TRAF7: variants seen among roughly 807,000 people sequenced by gnomAD.
The protein encoded by TRAF7 is TNF receptor associated factor 7.
In TRAF7, 45 loss-of-function variants were observed where a neutral mutation model predicts 89.3. The observed-to-expected ratio is 0.50, with a 90% CI of 0.40 to 0.65. The LOEUF (loss-of-function observed/expected upper bound fraction) is 0.65. Ranked by LOEUF, TRAF7 falls within the 30% of genes least tolerant of loss-of-function variation. TRAF7 has a pLI of 0.00. For missense variants in TRAF7, 677 were observed against 918.1 expected (o/e 0.74, Z 3.39); for synonymous variants, 406 against 369.2 (o/e 1.10, Z -1.14).
intron 7 of TRAF7, 114 bp from the exon 8 acceptor site, chr16:2,172,077 G>A (rs1356815978): frequency 3.3e-5 from 43 of 1,289,062 alleles, no homozygotes; most frequent in Admixed American, 6.2e-5. Flanking sequence ...CCCATGTTGC[G>A]TGCCTCAGAG....
At chr16:2,169,481 A>G (rs1006264552) in intron 4 of TRAF7, among the ~76,000 whole-genome samples, 6 of 152,076 alleles carry the variant, frequency 3.9e-5, no homozygotes, top group African/African-American at 7.2e-5. Context: ...GGTGGCTTTC[A>G]AGAGAGGCGG....
Position 2,165,916 on chromosome 16 carries a change from C to T in TRAF7, c.119C>T (p.Ala40Val). 6.2e-7 allele frequency: 1 copy of T among 1,614,120 alleles called. No individual in the cohort carries two copies. Among genetic ancestry groups the T allele is most frequent in the Non-Finnish European group, 8.5e-7 (1 of 1,179,974 alleles). ...METTFGPAFS[A>V]VTTITKADGT... ...ACGACCTTCGGACCCGCCTTTTCAGCCGTCACCACCATCACAAAAGGTGAG... is the reference window on the plus strand; with the variant it reads ...ACGACCTTCGGACCCGCCTTTTCAGTCGTCACCACCATCACAAAAGGTGAG... The change falls in exon 3 of 21, where the codon GCC (alanine) becomes GTC (valine). Residue 40 changes from alanine to valine, a missense_variant. Physicochemically the swap from Ala to Val is moderately conservative, Grantham distance 64. Coordinates refer to ENST00000326181, the MANE Select transcript of TRAF7 (RefSeq NM_032271.3).
intron 1 of TRAF7, among the ~76,000 whole-genome samples, chr16:2,157,188 C>T (rs1383026076): frequency 6.6e-6 from 1 of 152,048 alleles, no homozygotes; most frequent in Non-Finnish European, 1.5e-5. Context: ...CCTTCCTAGA[C>T]CCCTTCCCTG....
At chr16:2,164,256 TGCGTGGCGCGGCCTGGTC>T in intron 2 of TRAF7, among the ~76,000 whole-genome samples, 1 of 150,070 alleles carries the variant, frequency 6.7e-6, no homozygotes, top group Admixed American at 6.6e-5. Context: ...GTGTGAGTGC[TGCGTGGCGCGGCCTGGTC>T]GCATGGTTAA....
intron 2 of TRAF7, among the ~76,000 whole-genome samples, 171 bp downstream of exon 2, chr16:2,164,172 G>GCGCA (rs1555465734): frequency 2.4e-5 from 3 of 125,958 alleles, no homozygotes; most frequent in Non-Finnish European, 4.9e-5. Context: ...GCGCGCGCGC[G>GCGCA]CGCGCGCGCA....
At position 2,158,094 on chromosome 16, in the gene TRAF7, C is replaced by G. The variant is rs2093042935; in HGVS notation, c.-39+2236C>G. On this transcript the variant is annotated intron_variant, in intron 1 of 20. Coordinates refer to ENST00000326181, the MANE Select transcript of TRAF7 (RefSeq NM_032271.3). The surrounding 1 kb of genome is among the most constrained non-coding windows in gnomAD (Gnocchi z 4.7). ...TGAGCCCAGTGCCTGTGGCCTTGAC[C>G]ACGGTGTCACAGCATCTCCTGGATG... Among the ~76,000 whole-genome samples, 1 of 152,178 alleles carries G rather than the reference C, an allele frequency of 6.6e-6. No homozygotes were observed. The highest frequency in any genetic ancestry group is 1.5e-5 in the Non-Finnish European group (1 of 68,040).
chr16:2,174,383 G>T, intron 14 of TRAF7, 50 bp downstream of exon 14: 1 of 1,581,710 alleles, frequency 6.3e-7, no homozygotes, highest in South Asian at 1.1e-5. Context: ...AGGAGACGTG[G>T]CGCTGCCACC....
intron 5 of TRAF7, 74 bp downstream of exon 5, chr16:2,170,804 C>G: frequency 1.5e-6 from 2 of 1,376,398 alleles, no homozygotes; most frequent in South Asian, 1.2e-5. Context: ...GCACCTTCCC[C>G]TCCGCCATGC....
chr16:2,168,406 G>A lies in TRAF7; in HGVS notation c.231+238G>A. 1 of 502,012 alleles carries A rather than the reference G, an allele frequency of 2.0e-6. No individual in the cohort carries two copies. Among genetic ancestry groups the A allele is most frequent in the Non-Finnish European group, 3.6e-6 (1 of 278,240 alleles). 31.1% of individuals were successfully genotyped at this position (502,012 alleles called of 1,614,324 possible). ...GAGGGCAGCTGGGTCAGAGGGCCTG[G>A]CACCTGCAGGCCAGGATGAGGCATA... On this transcript the variant is annotated intron_variant, in intron 4 of 20. Transcript: ENST00000326181. The surrounding 1 kb of genome is among the most constrained non-coding windows in gnomAD (Gnocchi z 4.1).
intron 2 of TRAF7, 32 bp downstream of exon 2, chr16:2,164,033 C>A: frequency 6.4e-7 from 1 of 1,564,986 alleles, no homozygotes; most frequent in Non-Finnish European, 8.7e-7. Context: ...AGCCCAACAT[C>A]CCCAGGACCC....
In TRAF7 at chr16:2,175,148, A is replaced by C; in HGVS notation, c.1384A>C (p.Ile462Leu). The C allele has an allele frequency of 6.2e-7, 1 of 1,613,592 alleles. No homozygotes were observed. Among genetic ancestry groups the C allele is most frequent in the Non-Finnish European group, 8.5e-7 (1 of 1,179,902 alleles). ...CAGCGGCTCTGCAGACTGCACCATC[A>C]TTGTGAGTGGGGCCTACAGGCGGGT... ...LYSGSADCTI[I>L]VWDIQNLQKV... Residue 462 changes from isoleucine to leucine, a missense_variant and splice_region_variant, in exon 15 of 21, where the codon ATT (isoleucine) becomes CTT (leucine). Transcript: ENST00000326181.
intron 2 of TRAF7, among the ~76,000 whole-genome samples, chr16:2,164,504 C>T (rs1447411316): frequency 2.2e-5 from 3 of 134,466 alleles, no homozygotes; most frequent in South Asian, 2.5e-4. Flanking sequence ...GTGAGTGCTA[C>T]GTGGCCTGGC....
chr16:2,165,972 A>T (rs1209869878), intron 3 of TRAF7, 36 bp downstream of exon 3: 2 of 1,613,042 alleles, frequency 1.2e-6, no homozygotes, highest in East Asian at 2.2e-5. Context: ...CAGGCTGGGA[A>T]TAACCGGGGC....
rs751098293 is a variant in TRAF7, at chr16:2,175,568, G to A, written c.1572G>A (p.Arg524=). 4 of 1,613,016 alleles carry A rather than the reference G, an allele frequency of 2.5e-6. 1 individual carries two copies. The highest frequency in any genetic ancestry group is 3.3e-5 in the Admixed American group (2 of 60,022). The change falls in exon 17 of 21, where the codon CGG becomes CGA. Residue 524 remains arginine, a synonymous_variant. Transcript: ENST00000326181. ...TCACAGGCCTCAACCACTGGGTGCG[G>A]GCCCTGGTGGCTGCCCAGAGCTACC... is the stretch of plus-strand genomic sequence containing the variant. ...KELTGLNHWV[R]ALVAAQSYLY...
chr16:2,170,127 T>C (rs1464025649), intron 4 of TRAF7, among the ~76,000 whole-genome samples: 1 of 152,144 alleles, frequency 6.6e-6, no homozygotes, highest in East Asian at 1.9e-4. Flanking sequence ...GCCTCCCAGC[T>C]GGGCCTGGTG....
In TRAF7 at chr16:2,176,172, T is replaced by A; in HGVS notation, c.1870T>A (p.Ser624Thr). The A allele has an allele frequency of 1.2e-6, 2 of 1,606,414 alleles. No homozygotes were observed. Among genetic ancestry groups the A allele is most frequent in the Non-Finnish European group, 1.7e-6 (2 of 1,179,044 alleles). ...TKVFSASYDR[S>T]LRVWSMDNMI... Reference sequence around the variant, plus strand: ...AGTCTTCAGTGCATCCTACGACCGGTCCCTCAGGGTGCGTGCTGGCCCAGC... The same window carrying A: ...AGTCTTCAGTGCATCCTACGACCGGACCCTCAGGGTGCGTGCTGGCCCAGC... Residue 624 changes from serine (S) to threonine (T), a missense_variant, in exon 19 of 21, where the codon TCC becomes ACC. By Grantham distance (58) the Ser-to-Thr change is moderately conservative. Around this residue, in one of 6 missense-constraint regions of TRAF7, gnomAD observed 160 missense variants for 263.7 expected, o/e 0.61. Transcript: ENST00000326181.
chr16:2,177,187 C>T lies in TRAF7; in HGVS notation c.*613C>T, dbSNP rs889363455. The T allele has an allele frequency of 2.4e-5, 6 of 245,140 alleles. No individual in the cohort carries two copies. Among genetic ancestry groups the T allele is most frequent in the Admixed American group, 4.9e-5 (1 of 20,314 alleles). The allele number at this position is 245,140 out of a possible 1,614,324, so 15.2% of individuals were successfully genotyped here. The stretch of plus-strand genomic sequence containing the variant: ...AAAAGTGAGCCAGGCACCTCTGTTT[C>T]CTGCTGTTTATTGACAGCCGACGGC... On this transcript the variant is annotated 3_prime_UTR_variant, in exon 21 of 21. Coordinates refer to ENST00000326181, the MANE Select transcript of TRAF7 (RefSeq NM_032271.3).
In TRAF7 at chr16:2,176,620, C is replaced by T. The variant is rs754196944; in HGVS notation, c.*46C>T. 1.9e-6 allele frequency: 3 copies of T among 1,613,092 alleles called. No individual in the cohort carries two copies. Among genetic ancestry groups the T allele is most frequent in the Non-Finnish European group, 1.7e-6 (2 of 1,179,944 alleles). The stretch of plus-strand genomic sequence containing the variant: ...GGTTTCCCCTGAACCAGCCCTGGAC[C>T]TTTCTGAGCCAGGCTGGCCACATGG... On this transcript the variant is annotated 3_prime_UTR_variant, in exon 21 of 21. Transcript: ENST00000326181.
rs944752585 is a variant in TRAF7 at position 2,176,039 on chromosome 16, C to T, written c.1747-10C>T. The T allele has an allele frequency of 6.2e-7, 1 of 1,607,690 alleles. No homozygotes were observed. The highest frequency in any genetic ancestry group is 1.7e-5 in the Admixed American group (1 of 59,806). On this transcript the variant is annotated splice_polypyrimidine_tract_variant and intron_variant, in intron 18 of 20. Coordinates refer to ENST00000326181, the MANE Select transcript of TRAF7 (RefSeq NM_032271.3). ...AGTGTCTTTGACCTGCCTGTGCCCA[C>T]CCCTCCCAGGTGTGGGACATTGAGT...
Sources: allele counts gnomAD v4.1 joint callset (sites outside exome capture counted in the v4.1 genomes callset), GRCh38; gene constraint gnomAD v4.1.1; regional missense constraint gnomAD v4.1.1; non-coding constraint Gnocchi (gnomAD v3.1); transcripts MANE v1.5; gene names NCBI Gene and HGNC (gene_info 2026-07-23, HGNC 2026-07-21).